The following LRRC4C variants were observed in gnomAD, a reference collection of about 807,000 sequenced individuals.
LRRC4C encodes the protein leucine-rich repeat-containing protein 4C.
In LRRC4C, 5 loss-of-function variants were observed where a neutral mutation model predicts 33.6. The observed-to-expected ratio is 0.15, with a 90% CI of 0.08 to 0.31. The LOEUF is 0.31. LRRC4C is among the 10% of genes least tolerant of loss of function. The probability of loss-of-function intolerance (pLI) is 1.00; values close to 1 mark genes in which losing one functional copy is unlikely to be tolerated. For missense variants in LRRC4C, 560 were observed against 796.7 expected (o/e 0.70, Z 3.58); for synonymous variants, 329 against 302.0 (o/e 1.09, Z -0.93).
intron 1 of LRRC4C, among the ~76,000 whole-genome samples, chr11:41,305,911 A>AT (rs1176860430): frequency 2.4e-4 from 22 of 90,350 alleles, no homozygotes; most frequent in Non-Finnish European, 4.0e-4. Context: ...AAAAAAATAA[A>AT]TTAAAAAAAA....
intron 1 of LRRC4C, among the ~76,000 whole-genome samples, chr11:41,045,600 G>A (rs566251558): frequency 2.6e-5 from 4 of 152,192 alleles, no homozygotes; most frequent in East Asian, 1.9e-4. Context: ...GATAAGGTCC[G>A]TGATGAATTC....
intron 1 of LRRC4C, among the ~76,000 whole-genome samples, chr11:41,301,510 G>T (rs181499931): frequency 6.6e-6 from 1 of 152,172 alleles, no homozygotes; most frequent in African/African-American, 2.4e-5. Flanking sequence ...CTACTTTAGA[G>T]AAACTGAAAA....
intron 1 of LRRC4C, among the ~76,000 whole-genome samples, chr11:41,273,090 G>T (rs1302761603): frequency 6.6e-6 from 1 of 152,132 alleles, no homozygotes; most frequent in African/African-American, 2.4e-5. Flanking sequence ...TAAATAGCTA[G>T]AAAATGCAAT....
intron 3 of LRRC4C, among the ~76,000 whole-genome samples, chr11:40,460,886 T>C (rs1952361209): frequency 6.6e-6 from 1 of 152,124 alleles, no homozygotes; most frequent in South Asian, 2.1e-4. Context: ...CATAATGAGA[T>C]ACTGAAGCAA....
chr11:40,928,878 T>C (rs1314525923), intron 2 of LRRC4C, among the ~76,000 whole-genome samples: 1 of 152,186 alleles, frequency 6.6e-6, no homozygotes, highest in Non-Finnish European at 1.5e-5. Context: ...TACTTCATAA[T>C]AAGTGTGCAA....
intron 1 of LRRC4C, among the ~76,000 whole-genome samples, chr11:41,344,481 A>G (rs1951741980): frequency 6.6e-6 from 1 of 152,136 alleles, no homozygotes; most frequent in Non-Finnish European, 1.5e-5. Flanking sequence ...CGGCCTCCCA[A>G]AGTGCTGGGA....
intron 3 of LRRC4C, among the ~76,000 whole-genome samples, chr11:40,349,186 C>T (rs939746832): frequency 6.6e-6 from 1 of 152,022 alleles, no homozygotes; most frequent in Non-Finnish European, 1.5e-5. Context: ...AATTTTTAAT[C>T]CATTAATCAT....
chr11:41,315,601 C>T (rs1316667893), intron 1 of LRRC4C, among the ~76,000 whole-genome samples: 1 of 152,094 alleles, frequency 6.6e-6, no homozygotes, highest in Non-Finnish European at 1.5e-5. Flanking sequence ...GAATACAGTC[C>T]TAGCCAACTT....
rs1429857689 is a variant in LRRC4C, at chr11:41,415,403, G to A, written c.-496+44028C>T. On this transcript the variant is annotated intron_variant, in intron 1 of 6. Coordinates refer to ENST00000528697, the MANE Select transcript of LRRC4C (RefSeq NM_001258419.2). ...GAGTCCCCGAATGACTGAGCAAAGC[G>A]GTGTAGTGTTTTGAATTAGAAAGCA... 3.9e-5 allele frequency among the ~76,000 whole-genome samples: 6 copies of A among 152,196 alleles called. No homozygotes were observed. The East Asian group carries it at 7.7e-4, about 20-fold the overall frequency.
chr11:41,179,999 A>G (rs1174482095), intron 1 of LRRC4C, among the ~76,000 whole-genome samples: 4 of 152,194 alleles, frequency 2.6e-5, no homozygotes, highest in Non-Finnish European at 4.4e-5. Flanking sequence ...CAGGCACCCT[A>G]TACAGGACTG....
At position 41,105,420 on chromosome 11, in the gene LRRC4C, CT is replaced by C. The variant is rs1370040634; in HGVS notation, c.-495-171698del. On this transcript the variant is annotated intron_variant, in intron 1 of 6. Coordinates refer to ENST00000528697, the MANE Select transcript of LRRC4C (RefSeq NM_001258419.2). ...CACATAATCTATTATATTAATATAT[CT>C]GTTTATCTTCTGGTCTGCTCTTTAG... 5.3e-5 allele frequency among the ~76,000 whole-genome samples: 8 copies of C among 152,084 alleles called. No individual in the cohort carries two copies. In the South Asian group the frequency reaches 1.7e-3, roughly 32 times the overall value.
At chr11:41,131,304 TCTCTC>T (rs1052404818) in intron 1 of LRRC4C, among the ~76,000 whole-genome samples, 34 of 152,158 alleles carry the variant, frequency 2.2e-4, no homozygotes, top group African/African-American at 7.7e-4. Flanking sequence ...ACTTCTGTCT[TCTCTC>T]CATTCATCCC....
chr11:40,971,686 C>A (rs763656976), intron 1 of LRRC4C, among the ~76,000 whole-genome samples: 1 of 152,270 alleles, frequency 6.6e-6, no homozygotes, highest in Non-Finnish European at 1.5e-5. Context: ...GGTAGATCCA[C>A]TGACAGCTTG....
chr11:40,254,374 G>A (rs987193946), intron 4 of LRRC4C, among the ~76,000 whole-genome samples: 1 of 152,168 alleles, frequency 6.6e-6, no homozygotes, highest in Non-Finnish European at 1.5e-5. Context: ...ATAGATTGTG[G>A]AGGGGCAGAA....
rs181126560 is a variant in LRRC4C at position 40,489,418 on chromosome 11, C to T, written c.-270+158724G>A. ...TCATAACCCTCTTTCCTCACCTACA[C>T]GCATACTCACAACTCTCTGGGTCAG... On this transcript the variant is annotated intron_variant, in intron 3 of 6. Transcript: ENST00000528697. Among the ~76,000 whole-genome samples the T allele has an allele frequency of 1.5e-3, 232 of 152,186 alleles. 1 individual carries two copies. Among genetic ancestry groups the T allele is most frequent in the African/African-American group, 5.3e-3 (221 of 41,516 alleles).
chr11:41,346,405 A>C (rs984439510), intron 1 of LRRC4C, among the ~76,000 whole-genome samples: 1 of 152,234 alleles, frequency 6.6e-6, no homozygotes, highest in Non-Finnish European at 1.5e-5. Context: ...ATTCTCACTA[A>C]GATGATTCCT....
chr11:40,830,170 A>G (rs1952346759), intron 2 of LRRC4C, among the ~76,000 whole-genome samples: 2 of 152,152 alleles, frequency 1.3e-5, no homozygotes. Flanking sequence ...AATGTTAACT[A>G]CTGAAATTTA....
chr11:41,147,055 G>C lies in LRRC4C; in HGVS notation c.-495-213332C>G, dbSNP rs183228399. On this transcript the variant is annotated intron_variant, in intron 1 of 6. Transcript: ENST00000528697. Reference sequence around the variant, plus strand: ...AAATCACCTAATAATTGTCCTAATGGAAATATACTTGCATTTTTAGAAAGT... The same window carrying C: ...AAATCACCTAATAATTGTCCTAATGCAAATATACTTGCATTTTTAGAAAGT... Among the ~76,000 whole-genome samples the C allele has an allele frequency of 1.6e-3, 244 of 152,282 alleles. 1 individual carries two copies. The highest frequency in any genetic ancestry group is 5.6e-3 in the African/African-American group (233 of 41,564).
chr11:40,154,244 G>T (rs1841704), intron 5 of LRRC4C, among the ~76,000 whole-genome samples: 1 of 146,188 alleles, frequency 6.8e-6, no homozygotes, highest in East Asian at 2.0e-4. Context: ...GAATGAATTC[G>T]CCATTACCAT....
Sources: allele counts gnomAD v4.1 joint callset (sites outside exome capture counted in the v4.1 genomes callset), GRCh38; gene constraint gnomAD v4.1.1; transcripts MANE v1.5; gene names NCBI Gene and HGNC (gene_info 2026-07-23, HGNC 2026-07-21).